The following GPC5 variants were observed in gnomAD, a reference collection of about 807,000 sequenced individuals.
GPC5 encodes glypican-5.
In GPC5, 47 loss-of-function variants were observed where a neutral mutation model predicts 53.9. The ratio of observed to expected loss-of-function variants is 0.87; its 90% CI spans 0.69 to 1.11. The LOEUF is 1.11. Among genes scored for constraint, GPC5 ranks in the 50% most tolerant of loss-of-function variants. The probability of loss-of-function intolerance (pLI) is 0.00; values close to 1 mark genes in which losing one functional copy is unlikely to be tolerated. For missense variants in GPC5, 748 were observed against 713.1 expected, an observed-to-expected ratio of 1.05 and a Z score of -0.56; for synonymous variants, 286 against 263.3, an observed-to-expected ratio of 1.09 and a Z score of -0.84.
rs2043651334 is a variant in GPC5 at position 92,371,709 on chromosome 13, AACTC to A, written c.1561+226728_1561+226731del. ...TTATAAAACCTTCAGATCTGGTGAG[AACTC>A]ACTCACTATCACGAGAATAGCATGG... On this transcript the variant is annotated intron_variant, in intron 7 of 7. Coordinates refer to ENST00000377067, the MANE Select transcript of GPC5 (RefSeq NM_004466.6). Among the ~76,000 whole-genome samples, 4 of 152,284 alleles carry A rather than the reference AACTC, an allele frequency of 2.6e-5. No individual in the cohort carries two copies. In the East Asian group the frequency reaches 5.8e-4, roughly 22 times the overall value.
chr13:92,765,517 T>G (rs1329518498), intron 7 of GPC5, among the ~76,000 whole-genome samples: 1 of 152,192 alleles, frequency 6.6e-6, no homozygotes, highest in East Asian at 1.9e-4. Flanking sequence ...ACCTTACAGG[T>G]GTGACACGGA....
At chr13:92,399,585 G>T (rs548301992) in intron 7 of GPC5, among the ~76,000 whole-genome samples, 4 of 152,046 alleles carry the variant, frequency 2.6e-5, no homozygotes, top group Non-Finnish European at 5.9e-5. Context: ...TGTTGTTCCC[G>T]TAATGATAAA....
intron 7 of GPC5, among the ~76,000 whole-genome samples, chr13:92,692,759 T>TTTTTTTTTTTTTTGTTTTTTTTTTTTTG (rs1887446882): frequency 7.0e-6 from 1 of 142,112 alleles, no homozygotes; most frequent in African/African-American, 2.6e-5. Flanking sequence ...CGGCTATTTT[T>TTTTTTTTTTTTTTGTTTTTTTTTTTTTG]TTTTTTTTTT....
chr13:91,995,799 A>G (rs988119724), intron 6 of GPC5: 1 of 152,226 alleles, frequency 6.6e-6, no homozygotes, highest in African/African-American at 2.4e-5. Flanking sequence ...CCACTGGTAT[A>G]TATTTAAGTT....
chr13:92,360,984 T>C (rs1249186613), intron 7 of GPC5, among the ~76,000 whole-genome samples: 1 of 151,596 alleles, frequency 6.6e-6, no homozygotes, highest in Non-Finnish European at 1.5e-5. Flanking sequence ...CAAATGACAA[T>C]TCAAACTCAG....
chr13:91,608,151 G>T (rs905547820), intron 2 of GPC5, among the ~76,000 whole-genome samples: 2 of 152,152 alleles, frequency 1.3e-5, no homozygotes, highest in African/African-American at 2.4e-5. Flanking sequence ...GGGTAGATGG[G>T]AATATGGTGG....
At chr13:92,605,474 A>T (rs1884217271) in intron 7 of GPC5, among the ~76,000 whole-genome samples, 1 of 152,174 alleles carries the variant, frequency 6.6e-6, no homozygotes, top group Non-Finnish European at 1.5e-5. Context: ...AAAGAGTAGT[A>T]CTTTGCAAAT....
At chr13:92,613,437 T>A (rs376389787) in intron 7 of GPC5, among the ~76,000 whole-genome samples, 1 of 12,958 alleles carries the variant, frequency 7.7e-5, no homozygotes, top group African/African-American at 2.4e-4. Context: ...TATTTATATA[T>A]AAATATATAT....
intron 7 of GPC5, among the ~76,000 whole-genome samples, chr13:92,617,353 C>G (rs1327655157): frequency 2.0e-5 from 3 of 152,190 alleles, no homozygotes; most frequent in Non-Finnish European, 2.9e-5. Context: ...TTTAGCTCTT[C>G]TTTCCATTCT....
chr13:92,656,467 G>T (rs1204944739), intron 7 of GPC5, among the ~76,000 whole-genome samples: 1 of 152,146 alleles, frequency 6.6e-6, no homozygotes, highest in South Asian at 2.1e-4. Context: ...TTTTCTCCAG[G>T]CAGGACACCC....
rs2034706295 is a variant in GPC5, at chr13:91,651,405, C to T, written c.326-41782C>T. On this transcript the variant is annotated intron_variant, in intron 2 of 7. Coordinates refer to ENST00000377067, the MANE Select transcript of GPC5 (RefSeq NM_004466.6). Reference sequence around the variant, plus strand: ...GATGACTCATGTTTAACTCTATGTGCACTTTGGTCACTTTGACTTATGAAA... The same window carrying T: ...GATGACTCATGTTTAACTCTATGTGTACTTTGGTCACTTTGACTTATGAAA... Among the ~76,000 whole-genome samples the T allele has an allele frequency of 2.6e-5, 4 of 152,194 alleles. No individual in the cohort carries two copies. In the South Asian group the frequency reaches 8.3e-4, roughly 32 times the overall value.
chr13:91,743,643 CCA>C (rs532232166), intron 4 of GPC5, among the ~76,000 whole-genome samples: 125 of 152,234 alleles, frequency 8.2e-4, no homozygotes, highest in African/African-American at 3.0e-3. Flanking sequence ...GCTGCCAGAT[CCA>C]CCACAATTGT....
At chr13:92,845,977 C>T (rs1878598314) in intron 7 of GPC5, among the ~76,000 whole-genome samples, 1 of 152,076 alleles carries the variant, frequency 6.6e-6, no homozygotes, top group Non-Finnish European at 1.5e-5. Context: ...CTCTAAGCTT[C>T]ACAAACAATG....
intron 7 of GPC5, among the ~76,000 whole-genome samples, chr13:92,818,216 G>A (rs1389513798): frequency 6.6e-6 from 1 of 151,750 alleles, no homozygotes; most frequent in East Asian, 1.9e-4. Context: ...CACCATATTG[G>A]CCAGGCTGGT....
At chr13:92,698,435 C>T (rs991296121) in intron 7 of GPC5, among the ~76,000 whole-genome samples, 7 of 151,856 alleles carry the variant, frequency 4.6e-5, no homozygotes, top group Non-Finnish European at 7.4e-5. Context: ...TTTGTCCTTG[C>T]GATAGTTTGC....
intron 2 of GPC5, among the ~76,000 whole-genome samples, chr13:91,586,563 T>TAG (rs3055914): frequency 0.012 from 520 of 41,924 alleles, 9 homozygotes; most frequent in Non-Finnish European, 0.015. Context: ...TATATATATG[T>TAG]AGAGAGAGAG....
chr13:92,148,346 CAA>C (rs1380081616), intron 7 of GPC5, among the ~76,000 whole-genome samples: 3 of 151,974 alleles, frequency 2.0e-5, no homozygotes, highest in African/African-American at 7.2e-5. Context: ...TTTCAATATG[CAA>C]AGTTTTACCA....
At position 92,790,008 on chromosome 13, in the gene GPC5, C is replaced by T. The variant is rs1426500018; in HGVS notation, c.1562-76274C>T. Reference sequence around the variant, plus strand: ...ACTGAAGAACTTGGAATCTGATGTTCGAGGGCAGAAAGCATCCAGCACGGT... The same window carrying T: ...ACTGAAGAACTTGGAATCTGATGTTTGAGGGCAGAAAGCATCCAGCACGGT... On this transcript the variant is annotated intron_variant, in intron 7 of 7. Coordinates refer to ENST00000377067, the MANE Select transcript of GPC5 (RefSeq NM_004466.6). Among the ~76,000 whole-genome samples, 8 of 152,154 alleles carry T rather than the reference C, an allele frequency of 5.3e-5. No homozygotes were observed. The East Asian group carries it at 7.8e-4, about 15-fold the overall frequency.
chr13:92,388,250 GATTA>G (rs1433858979), intron 7 of GPC5, among the ~76,000 whole-genome samples: 1 of 151,932 alleles, frequency 6.6e-6, no homozygotes, highest in Admixed American at 6.6e-5. Context: ...AAAAGAAATT[GATTA>G]ATTGTTTTGA....
Sources: gnomAD v4.1 joint callset for allele counts (sites outside exome capture counted in the v4.1 genomes callset) on GRCh38, gnomAD v4.1.1 for gene constraint, MANE v1.5 for transcripts, NCBI Gene and HGNC (gene_info 2026-07-23, HGNC 2026-07-21) for gene names.